Variants in DPP6 observed in about 807,000 individuals in gnomAD.
DPP6 encodes the protein A-type potassium channel modulatory protein DPP6.
In DPP6, 69 loss-of-function variants were observed where a neutral mutation model predicts 122.6. The ratio of observed to expected loss-of-function variants is 0.56; its 90% CI spans 0.46 to 0.69. The LOEUF (loss-of-function observed/expected upper bound fraction) is 0.69, where lower values mean the gene tolerates loss of function less well. Ranked by LOEUF, DPP6 falls within the 30% of genes least tolerant of loss-of-function variation. The probability of loss-of-function intolerance (pLI) is 0.00; values close to 1 mark genes in which losing one functional copy is unlikely to be tolerated. For missense variants in DPP6, 928 were observed against 1,116.9 expected (o/e 0.83, Z 2.41); for synonymous variants, 418 against 433.1 (o/e 0.97, Z 0.43).
the DPP6 span, among the ~76,000 whole-genome samples, chr7:153,787,932 T>C: frequency 7.0e-4 from 106 of 150,456 alleles, 2 homozygotes; most frequent in East Asian, 0.02. Context: ...CCTTAGAAGG[T>C]AGAGCAGTTG....
intron 1 of DPP6, among the ~76,000 whole-genome samples, chr7:154,195,093 CT>C (rs942042376): frequency 6.6e-6 from 1 of 151,936 alleles, no homozygotes; most frequent in African/African-American, 2.4e-5. Flanking sequence ...TCTCTTCTAT[CT>C]TTTTTTTCTA....
chr7:153,928,395 C>CCTTTTTTTT (rs1467865041), intron 1 of DPP6, among the ~76,000 whole-genome samples: 2 of 29,996 alleles, frequency 6.7e-5, no homozygotes, highest in African/African-American at 1.3e-4. Context: ...TCTTTTCTTT[C>CCTTTTTTTT]ATTTTTTTTT....
At chr7:154,390,824 C>T (rs2151164359) in intron 1 of DPP6, among the ~76,000 whole-genome samples, 1 of 152,292 alleles carries the variant, frequency 6.6e-6, no homozygotes, top group African/African-American at 2.4e-5. Flanking sequence ...CGGTCCTCTT[C>T]TGAGAGACCC....
the DPP6 span, among the ~76,000 whole-genome samples, chr7:153,876,544 A>G: frequency 6.6e-6 from 1 of 152,044 alleles, no homozygotes; most frequent in East Asian, 1.9e-4. Flanking sequence ...TTTGTAAATT[A>G]TTTCTAAACA....
At chr7:153,865,151 A>T in the DPP6 span, among the ~76,000 whole-genome samples, 1 of 152,216 alleles carries the variant, frequency 6.6e-6, no homozygotes, top group Non-Finnish European at 1.5e-5. Flanking sequence ...ACACATATCT[A>T]TTATATTATA....
intron 7 of DPP6, among the ~76,000 whole-genome samples, chr7:154,703,053 C>CAATAACA (rs1840613864): frequency 2.6e-5 from 4 of 152,208 alleles, no homozygotes; most frequent in Admixed American, 2.6e-4. Context: ...TCCGCCTATG[C>CAATAACA]TCTGTAAATG....
At chr7:154,118,953 G>A (rs1392602165) in intron 1 of DPP6, among the ~76,000 whole-genome samples, 5 of 150,546 alleles carry the variant, frequency 3.3e-5, no homozygotes, top group African/African-American at 4.9e-5. Flanking sequence ...AAAGCTGACC[G>A]ACTGGTTGGA....
rs1309194165 is a variant in DPP6, at chr7:154,602,657, CTG to C, written c.628-35163_628-35162del. On this transcript the variant is annotated intron_variant, in intron 5 of 25. Transcript: ENST00000377770. ...TGTTGACCAGACTGGTCTCGAACTC[CTG>C]ACCTCAGGTGATCTGTCTGCCTCGG... Among the ~76,000 whole-genome samples, 2 of 119,792 alleles carry C rather than the reference CTG, an allele frequency of 1.7e-5. 1 individual carries two copies. The highest frequency in any genetic ancestry group is 5.3e-5 in the African/African-American group (2 of 37,590). The allele number at this position is 119,792 out of a possible 152,430, so 78.6% of individuals were successfully genotyped here.
chr7:154,336,397 A>T (rs539606313), intron 1 of DPP6, among the ~76,000 whole-genome samples: 109 of 152,226 alleles, frequency 7.2e-4, no homozygotes, highest in African/African-American at 2.5e-3. Flanking sequence ...AGTGACTAGC[A>T]TGAGAGGAGT....
intron 3 of DPP6, among the ~76,000 whole-genome samples, chr7:154,537,488 G>A (rs1377051204): frequency 6.6e-6 from 1 of 152,038 alleles, no homozygotes; most frequent in African/African-American, 2.4e-5. Flanking sequence ...AACTTGTAAG[G>A]TTAAGATTCC....
In DPP6 at chr7:154,086,780, G is replaced by A. The variant is rs189230000; in HGVS notation, c.243+33717G>A. On this transcript the variant is annotated intron_variant, in intron 1 of 25. Transcript: ENST00000377770. ...ATTACAGGGGCCCATCACCACGCCC[G>A]GCTAATTTTTATATTTTTAGTAGAG... 2.0e-4 allele frequency among the ~76,000 whole-genome samples: 31 copies of A among 152,098 alleles called. No homozygotes were observed. In the East Asian group the frequency reaches 4.8e-3, roughly 24 times the overall value.
At chr7:154,395,618 G>A (rs1161016825) in intron 1 of DPP6, among the ~76,000 whole-genome samples, 1 of 151,984 alleles carries the variant, frequency 6.6e-6, no homozygotes, top group Non-Finnish European at 1.5e-5. Flanking sequence ...TTTGCAGAAT[G>A]TACTGATTAG....
intron 7 of DPP6, among the ~76,000 whole-genome samples, chr7:154,696,130 G>A (rs1427142151): frequency 1.3e-5 from 2 of 152,216 alleles, no homozygotes; most frequent in Admixed American, 6.5e-5. Context: ...TCAGAGCCCC[G>A]CCTCATCAGC....
chr7:154,416,289 C>T (rs1016526852), intron 1 of DPP6, among the ~76,000 whole-genome samples: 1 of 152,118 alleles, frequency 6.6e-6, no homozygotes, highest in African/African-American at 2.4e-5. Context: ...ATCACCCAAG[C>T]AGATGATCCT....
At chr7:154,586,833 A>T (rs1413938825) in intron 5 of DPP6, among the ~76,000 whole-genome samples, 1 of 152,146 alleles carries the variant, frequency 6.6e-6, no homozygotes. Flanking sequence ...ACCTCCCCAG[A>T]TACCCCAGGC....
chr7:153,962,539 A>G (rs540010910), intron 1 of DPP6, among the ~76,000 whole-genome samples: 1 of 152,290 alleles, frequency 6.6e-6, no homozygotes, highest in South Asian at 2.1e-4. Context: ...ACCACCCACC[A>G]TCATGCCGTA....
intron 9 of DPP6, among the ~76,000 whole-genome samples, chr7:154,769,990 G>A (rs1320294533): frequency 1.3e-5 from 2 of 152,096 alleles, no homozygotes; most frequent in Non-Finnish European, 2.9e-5. Flanking sequence ...CACTGCTACG[G>A]GCTAAATGTT....
At chr7:154,058,710 G>A (rs1361547993) in intron 1 of DPP6, 4 of 150,078 alleles carry the variant, frequency 2.7e-5, no homozygotes, top group African/African-American at 5.0e-5. Flanking sequence ...CAAATCTTCC[G>A]ACGGCAGGTA....
chr7:154,626,160 T>C (rs1490673429), intron 5 of DPP6, among the ~76,000 whole-genome samples: 1 of 152,092 alleles, frequency 6.6e-6, no homozygotes, highest in Non-Finnish European at 1.5e-5. Flanking sequence ...TTGAATTTCC[T>C]CCTAGCAATG....
Sources: gnomAD v4.1 joint callset for allele counts (sites outside exome capture counted in the v4.1 genomes callset) on GRCh38, gnomAD v4.1.1 for gene constraint, MANE v1.5 for transcripts, NCBI Gene and HGNC (gene_info 2026-07-23, HGNC 2026-07-21) for gene names.